The following CDC45 variants were observed in gnomAD, a reference collection of about 807,000 sequenced individuals.
CDC45 encodes cell division control protein 45 homolog.
A neutral mutation model predicts 77.8 loss-of-function variants in CDC45; 54 were observed. The ratio of observed to expected loss-of-function variants is 0.69; its 90% CI spans 0.56 to 0.87. The LOEUF (loss-of-function observed/expected upper bound fraction) is 0.87. Ranked by LOEUF, CDC45 falls within the 40% of genes least tolerant of loss-of-function variation. CDC45 has a pLI of 0.00. For synonymous variants in CDC45, 260 were observed against 272.1 expected, an observed-to-expected ratio of 0.96 and a Z score of 0.44; for missense variants, 649 against 721.6, an observed-to-expected ratio of 0.90 and a Z score of 1.15.
chr22:19,484,746 C>T (rs754995311), intron 5 of CDC45, among the ~76,000 whole-genome samples: 5 of 152,126 alleles, frequency 3.3e-5, no homozygotes, highest in African/African-American at 4.8e-5. Context: ...TTGAGATGTT[C>T]AAGACATTCT....
chr22:19,508,765 G>A, intron 13 of CDC45, 74 bp downstream of exon 13: 1 of 1,435,264 alleles, frequency 7.0e-7, no homozygotes, highest in African/African-American at 1.4e-5. Context: ...GTCAGTTACG[G>A]GGACCCCAGG....
rs371673144 is a variant in CDC45 at position 19,496,026 on chromosome 22, A to T, written c.588A>T (p.Thr196=). Residue 196 remains threonine (T), a synonymous_variant, in exon 7 of 19, where the codon ACA becomes ACT. Transcript: ENST00000263201. ...ACGAGCAGTATGAATATCATGGGAC[A>T]TCGGTAAGTATGAATAGGTGGAACT... The part of the protein sequence containing the change: ...FDYEQYEYHG[T]SSAMVMFELA... 1 of 1,600,886 alleles carries T rather than the reference A, an allele frequency of 6.2e-7. No individual in the cohort carries two copies. Among genetic ancestry groups the T allele is most frequent in the Non-Finnish European group, 8.6e-7 (1 of 1,168,090 alleles).
chr22:19,482,242 G>C (rs535996023), intron 3 of CDC45, among the ~76,000 whole-genome samples: 33 of 152,292 alleles, frequency 2.2e-4, no homozygotes, highest in Admixed American at 1.5e-3. Flanking sequence ...GTATTTATAA[G>C]GAAAGAAAGT....
chr22:19,518,454 G>A (rs1933922417), intron 17 of CDC45, among the ~76,000 whole-genome samples: 1 of 152,196 alleles, frequency 6.6e-6, no homozygotes, highest in Admixed American at 6.5e-5. Flanking sequence ...CACTGAAGCC[G>A]AGGAATTGGC....
chr22:19,508,717 T>A (rs1263439148), intron 13 of CDC45, 26 bp downstream of exon 13: 1 of 1,609,562 alleles, frequency 6.2e-7, no homozygotes, highest in Non-Finnish European at 8.5e-7. Flanking sequence ...TGGGTTTGCC[T>A]CATGGGGCCA....
rs959709371 is a variant in CDC45 at position 19,481,143 on chromosome 22, G to T, written c.204+98G>T. On this transcript the variant is annotated intron_variant, in intron 3 of 18. Transcript: ENST00000263201. ...CACGATAGATTAAGCGTGTATTTAA[G>T]TATCAGCTACATTAGGCAATATGGA... 16 of 765,114 alleles carry T rather than the reference G, an allele frequency of 2.1e-5. No homozygotes were observed. The Admixed American group carries it at 2.3e-4, about 11-fold the overall frequency. The allele number at this position is 765,114 out of a possible 1,614,324, so 47.4% of individuals were successfully genotyped here.
intron 5 of CDC45, among the ~76,000 whole-genome samples, chr22:19,486,504 T>A (rs2090069911): frequency 6.6e-6 from 1 of 152,216 alleles, no homozygotes; most frequent in African/African-American, 2.4e-5. Flanking sequence ...TTCTAATATT[T>A]ACTACTACTT....
rs961917889 is a variant in CDC45, at chr22:19,505,265, C to T, written c.705-97C>T. On this transcript the variant is annotated intron_variant, in intron 9 of 18. Transcript: ENST00000263201. The stretch of plus-strand genomic sequence containing the variant: ...GAACAGCTCCTGTGGTGAGCAGGCC[C>T]CTGAGGAAGGCCTTGAGCGGGAATG... 1.7e-5 allele frequency: 24 copies of T among 1,448,258 alleles called. No homozygotes were observed. In the African/African-American group the frequency reaches 3.1e-4, roughly 18 times the overall value. 89.7% of individuals were successfully genotyped at this position (1,448,258 alleles called of 1,614,324 possible).
intron 15 of CDC45, among the ~76,000 whole-genome samples, chr22:19,516,084 G>A (rs545438064): frequency 4.9e-4 from 74 of 152,094 alleles, no homozygotes; most frequent in Non-Finnish European, 8.1e-4. Context: ...TGGCAGCTGC[G>A]GTTAAGATGA....
At chr22:19,500,190 GTC>G (rs1385090214) in intron 9 of CDC45, among the ~76,000 whole-genome samples, 2 of 152,248 alleles carry the variant, frequency 1.3e-5, no homozygotes, top group African/African-American at 4.8e-5. Context: ...GTCTGTAGCA[GTC>G]TCTCAGGTGA....
At chr22:19,497,290 GC>G in intron 7 of CDC45, 95 bp from the exon 8 acceptor site, 1 of 1,122,714 alleles carries the variant, frequency 8.9e-7, no homozygotes, top group Admixed American at 1.7e-5. Context: ...GCAGGGGTTT[GC>G]CAGGGCCCTT....
chr22:19,497,456 C>A lies in CDC45; in HGVS notation c.653+9C>A, dbSNP rs1056732459. On this transcript the variant is annotated intron_variant, in intron 8 of 18. Transcript: ENST00000263201. The stretch of plus-strand genomic sequence containing the variant: ...CTGAATGACATGCTGTGGTACGTAG[C>A]CCCTGCGGCAGCTGTGTGGGAGTAT... 6.2e-7 allele frequency: 1 copy of A among 1,612,532 alleles called. No homozygotes were observed. Among genetic ancestry groups the A allele is most frequent in the African/African-American group, 1.3e-5 (1 of 75,024 alleles).
chr22:19,518,574 T>A (rs1391099194), intron 17 of CDC45, among the ~76,000 whole-genome samples: 5 of 152,182 alleles, frequency 3.3e-5, no homozygotes, highest in African/African-American at 1.2e-4. Context: ...TCCAGGTCTG[T>A]AGGGCCCTTC....
At chr22:19,482,862 C>A (rs1441655733) in intron 4 of CDC45, 35 bp downstream of exon 4, 8 of 1,602,380 alleles carry the variant, frequency 5.0e-6, no homozygotes, top group Non-Finnish European at 6.8e-6. Context: ...ACTGTCTGTA[C>A]TTTTTATGCC....
chr22:19,508,005 GAATGTACA>G (rs1429361701), intron 12 of CDC45, 141 bp downstream of exon 12: 1 of 623,292 alleles, frequency 1.6e-6, no homozygotes, highest in Non-Finnish European at 2.8e-6. Flanking sequence ...AACAACCCGA[GAATGTACA>G]AATGAGTGTT....
chr22:19,483,393 C>G (rs963252719), intron 4 of CDC45, among the ~76,000 whole-genome samples: 1 of 152,148 alleles, frequency 6.6e-6, no homozygotes. Flanking sequence ...GATCGTGCCA[C>G]TGCACTCCAG....
Position 19,518,860 on chromosome 22 carries a change from T to C in CDC45, c.1653T>C (p.Ala551=). 6.2e-7 allele frequency: 1 copy of C among 1,614,110 alleles called. No homozygotes were observed. Among genetic ancestry groups the C allele is most frequent in the Middle Eastern group, 1.7e-4 (1 of 6,056 alleles). ...TTACTTCAGTAATTGAGCTGAAAGC[T>C]GAGGATCGGAGCAAGTTTCTGGACG... ...HFDLSVIELK[A]EDRSKFLDAL... Residue 551 remains alanine, a synonymous_variant, in exon 18 of 19, where the codon GCT becomes GCC. Coordinates refer to ENST00000263201, the MANE Select transcript of CDC45 (RefSeq NM_003504.5).
chr22:19,487,292 C>CA (rs754969437), intron 5 of CDC45, among the ~76,000 whole-genome samples: 7,087 of 59,200 alleles, frequency 0.12, 498 homozygotes, highest in African/African-American at 0.26. Context: ...ACTCTTGTCT[C>CA]AAAAAAAAAA....
At chr22:19,510,869 T>G (rs931521310) in intron 13 of CDC45, among the ~76,000 whole-genome samples, 5 of 152,232 alleles carry the variant, frequency 3.3e-5, no homozygotes, top group African/African-American at 1.2e-4. Context: ...GATGGATATA[T>G]TCTATTTCAT....
Sources: allele counts gnomAD v4.1 joint callset (sites outside exome capture counted in the v4.1 genomes callset), GRCh38; gene constraint gnomAD v4.1.1; transcripts MANE v1.5; gene names NCBI Gene and HGNC (gene_info 2026-07-23, HGNC 2026-07-21).